The following ZBTB32 variants were observed in gnomAD, a reference collection of about 807,000 sequenced individuals.
ZBTB32 encodes the protein zinc finger and BTB domain-containing protein 32.
In ZBTB32, 28 loss-of-function variants were observed where a neutral mutation model predicts 45.3. The observed-to-expected ratio is 0.62, with a 90% confidence interval of 0.46 to 0.85. The LOEUF is 0.85. ZBTB32 is among the 40% of genes least tolerant of loss of function. The pLI, the probability that ZBTB32 is intolerant of heterozygous loss-of-function variation, is 0.00. For synonymous variants in ZBTB32, 283 were observed against 255.7 expected (o/e 1.11, Z -1.02); for missense variants, 587 against 624.4 (o/e 0.94, Z 0.64).
At chr19:35,710,333 T>C (rs1248417372) in intron 1 of ZBTB32, among the ~76,000 whole-genome samples, 1 of 152,226 alleles carries the variant, frequency 6.6e-6, no homozygotes, top group Non-Finnish European at 1.5e-5. Flanking sequence ...CTCTACCCTC[T>C]GGCAGGACAC....
Position 35,715,762 on chromosome 19 carries a change from C to T in ZBTB32, c.887C>T (p.Pro296Leu). 6.2e-7 allele frequency: 1 copy of T among 1,611,776 alleles called. No homozygotes were observed. The highest frequency in any genetic ancestry group is 8.5e-7 in the Non-Finnish European group (1 of 1,179,002). ...TCTTCCCCACCCCATCCCAGGATCC[C>T]ACTGTCCCTAAATGCCCCCAAAGGG... ...WQEVWREQRI[P>L]LSLNAPKGLW... The change falls in exon 4 of 7, where the codon CCA becomes CTA. Residue 296 changes from proline (P) to leucine (L), a missense_variant. By Grantham distance (98) the Pro-to-Leu change is moderately conservative (BLOSUM62 -3). Coordinates refer to ENST00000392197, the MANE Select transcript of ZBTB32 (RefSeq NM_014383.3).
chr19:35,708,135 G>A (rs1455729289), intron 1 of ZBTB32, among the ~76,000 whole-genome samples: 1 of 152,062 alleles, frequency 6.6e-6, no homozygotes, highest in Admixed American at 6.6e-5. Flanking sequence ...CATGCCTGGT[G>A]TTGGCCCATA....
At position 35,707,516 on chromosome 19, in the gene ZBTB32, C is replaced by T. The variant is rs55927526; in HGVS notation, c.-222+2893C>T. On this transcript the variant is annotated intron_variant, in intron 1 of 6. Transcript: ENST00000392197. ...TCCCAAGTAGCTGGGATTACAGGCA[C>T]GTGCCACCACGCCCAGCTAATTTTT... Among the ~76,000 whole-genome samples, 12 of 151,868 alleles carry T rather than the reference C, an allele frequency of 7.9e-5. No homozygotes were observed. The East Asian group carries it at 1.6e-3, about 20-fold the overall frequency.
At chr19:35,714,395 C>A in intron 2 of ZBTB32, 128 bp from the exon 3 acceptor site, 1 of 417,354 alleles carries the variant, frequency 2.4e-6, no homozygotes. Context: ...ATTCTCTCGC[C>A]ACCATGCCTA....
rs746174419 is a variant in ZBTB32, at chr19:35,715,357, C to A, written c.731C>A (p.Thr244Asn). ...GCAGGCTCCCTGCAAACCAGCGTCA[C>A]CCCTAGGCCCTCGTGGGCTGAGGCC... Reference protein sequence around the residue: ...PPAGSLQTSVTPRPSWAEAPW... With the variant: ...PPAGSLQTSVNPRPSWAEAPW... The change falls in exon 3 of 7, where the codon ACC becomes AAC. Residue 244 changes from threonine (T) to asparagine (N), a missense_variant. Transcript: ENST00000392197. 1.2e-6 allele frequency: 2 copies of A among 1,611,764 alleles called. No individual in the cohort carries two copies. Among genetic ancestry groups the A allele is most frequent in the Admixed American group, 3.4e-5 (2 of 59,626 alleles).
At chr19:35,707,696 T>C (rs1249440636) in intron 1 of ZBTB32, among the ~76,000 whole-genome samples, 2 of 151,972 alleles carry the variant, frequency 1.3e-5, no homozygotes, top group Non-Finnish European at 2.9e-5. Context: ...ATGTCAACAA[T>C]TGGTCCCAGG....
chr19:35,716,180 C>T lies in ZBTB32; in HGVS notation c.1072C>T (p.Pro358Ser). 1.2e-6 allele frequency: 2 copies of T among 1,613,914 alleles called. No individual in the cohort carries two copies. The highest frequency in any genetic ancestry group is 1.3e-5 in the African/African-American group (1 of 75,048). Residue 358 changes from proline to serine, a missense_variant, in exon 6 of 7, where the codon CCT becomes TCT. Transcript: ENST00000392197. ...AGHEDKAGCP[P>S]RPHPPPAPPA... ...TCATGAGGACAAGGCAGGCTGCCCA[C>T]CTCGCCCGCACCCTCCCCCGGCCCC...
In ZBTB32 at chr19:35,715,799, G is replaced by A; in HGVS notation, c.924G>A (p.Gln308=). The change falls in exon 4 of 7, where the codon CAG becomes CAA. Residue 308 remains glutamine (Q), a synonymous_variant. Coordinates refer to ENST00000392197, the MANE Select transcript of ZBTB32 (RefSeq NM_014383.3). ...ATGCCCCCAAAGGGCTCTGGAGCCA[G>A]AACCAGTTGGCCTCCTCCAGCCCTA... ...SLNAPKGLWS[Q]NQLASSSPTP... is the part of the protein sequence containing the mutation. The A allele has an allele frequency of 6.2e-7, 1 of 1,613,762 alleles. No homozygotes were observed. The highest frequency in any genetic ancestry group is 2.2e-5 in the East Asian group (1 of 44,878).
intron 1 of ZBTB32, among the ~76,000 whole-genome samples, chr19:35,707,360 T>C (rs1372910446): frequency 1.4e-5 from 2 of 145,238 alleles, no homozygotes; most frequent in East Asian, 4.1e-4. Flanking sequence ...TATAAGTGTC[T>C]ACCATTTTCT....
In ZBTB32 at chr19:35,716,609, G is replaced by C. The variant is rs765168428; in HGVS notation, c.1321G>C (p.Ala441Pro). 1 of 1,613,402 alleles carries C rather than the reference G, an allele frequency of 6.2e-7. No homozygotes were observed. The change falls in exon 7 of 7, where the codon GCC becomes CCC. Residue 441 changes from alanine (A) to proline (P), a missense_variant. Ala to Pro is a conservative substitution (Grantham distance 27). Transcript: ENST00000392197. ...GTGCGGGGCCGGCTGTCCCAGCCTGGCCTCCATGCAGGCGCACATGCGCGG... is the reference window on the plus strand; with the variant it reads ...GTGCGGGGCCGGCTGTCCCAGCCTGCCCTCCATGCAGGCGCACATGCGCGG... ...SLCGAGCPSL[A>P]SMQAHMRGHS...
In ZBTB32 at chr19:35,715,959, G is replaced by A. The variant is rs2234370; in HGVS notation, c.976G>A (p.Ala326Thr). ...PTPGSLPQGP[A>T]QLSPGEMEES... ...TCCAGGTTCCCTCCCCCAGGGCCCCGCACAGCTCAGCCCTGGGGAGATGGA... is the reference window on the plus strand; with the variant it reads ...TCCAGGTTCCCTCCCCCAGGGCCCCACACAGCTCAGCCCTGGGGAGATGGA... The change falls in exon 5 of 7, where the codon GCA becomes ACA. Residue 326 changes from alanine (A) to threonine (T), a missense_variant. Coordinates refer to ENST00000392197, the MANE Select transcript of ZBTB32 (RefSeq NM_014383.3). 152 of 1,612,918 alleles carry A rather than the reference G, an allele frequency of 9.4e-5. No homozygotes were observed. The African/African-American group carries it at 1.7e-3, about 18-fold the overall frequency.
rs961281416 is a variant in ZBTB32 at position 35,716,757 on chromosome 19, G to T, written c.*5G>T. ...CCTTCTTCCTCCACCACCTGACGGG[G>T]TGTCGGTAGCGTCTTAGCCAAGAGT... On this transcript the variant is annotated 3_prime_UTR_variant, in exon 7 of 7. Transcript: ENST00000392197. 6.3e-7 allele frequency: 1 copy of T among 1,597,486 alleles called. No homozygotes were observed. Among genetic ancestry groups the T allele is most frequent in the Admixed American group, 1.7e-5 (1 of 59,696 alleles).
At chr19:35,712,715 G>T (rs1968735263) in intron 1 of ZBTB32, among the ~76,000 whole-genome samples, 1 of 152,148 alleles carries the variant, frequency 6.6e-6, no homozygotes, top group Admixed American at 6.5e-5. Context: ...TCTCTTCGAA[G>T]ACCACCACAC....
intron 1 of ZBTB32, among the ~76,000 whole-genome samples, chr19:35,706,322 A>G (rs1444239337): frequency 6.6e-6 from 1 of 151,988 alleles, no homozygotes; most frequent in Non-Finnish European, 1.5e-5. Context: ...AATTCCTAGA[A>G]GATGAAGATA....
rs762060611 is a variant in ZBTB32, at chr19:35,714,617, C to G, written c.-10C>G. 6 of 1,512,824 alleles carry G rather than the reference C, an allele frequency of 4.0e-6. No individual in the cohort carries two copies. The Admixed American group carries it at 1.3e-4, about 32-fold the overall frequency. 93.7% of individuals were successfully genotyped at this position (1,512,824 alleles called of 1,614,324 possible). On this transcript the variant is annotated 5_prime_UTR_variant, in exon 3 of 7. Transcript: ENST00000392197. The stretch of plus-strand genomic sequence containing the variant: ...AGAGCCTCTGAGTTAGGTACCCAAG[C>G]CAAGGCACAATGTCCCTGCCCCCCA...
intron 1 of ZBTB32, among the ~76,000 whole-genome samples, chr19:35,705,212 G>T (rs1286678076): frequency 6.6e-6 from 1 of 152,170 alleles, no homozygotes; most frequent in Admixed American, 6.5e-5. Flanking sequence ...AGAAAGCTGA[G>T]GCAGGAGAAT....
At chr19:35,704,859 C>T (rs1444571509) in intron 1 of ZBTB32, among the ~76,000 whole-genome samples, 2 of 152,204 alleles carry the variant, frequency 1.3e-5, no homozygotes, top group Admixed American at 6.5e-5. Flanking sequence ...GTCCACGGCC[C>T]CCGAGGCCAG....
chr19:35,716,222 C>T lies in ZBTB32; in HGVS notation c.1114C>T (p.Pro372Ser). ...PPPAPPARSRPYACSVCGKRF... is the reference protein window; with the variant it reads ...PPPAPPARSRSYACSVCGKRF... The stretch of plus-strand genomic sequence containing the variant: ...CCCGGCCCCTCCTGCTCGGTCTCGG[C>T]CCTATGCGTGCTCTGTCTGTGGAAA... Residue 372 changes from proline (P) to serine (S), a missense_variant, in exon 6 of 7, where the codon CCC becomes TCC. Pro to Ser is a moderately conservative substitution (Grantham distance 74). Coordinates refer to ENST00000392197, the MANE Select transcript of ZBTB32 (RefSeq NM_014383.3). 1 of 1,613,950 alleles carries T rather than the reference C, an allele frequency of 6.2e-7. No individual in the cohort carries two copies. The highest frequency in any genetic ancestry group is 8.5e-7 in the Non-Finnish European group (1 of 1,179,972).
intron 1 of ZBTB32, among the ~76,000 whole-genome samples, chr19:35,709,961 G>A (rs965287375): frequency 3.3e-5 from 5 of 151,774 alleles, no homozygotes; most frequent in African/African-American, 4.8e-5. Context: ...TGTAATCCCA[G>A]CACTTTGTGA....
Sources: allele counts gnomAD v4.1 joint callset (sites outside exome capture counted in the v4.1 genomes callset), GRCh38; gene constraint gnomAD v4.1.1; transcripts MANE v1.5; gene names NCBI Gene and HGNC (gene_info 2026-07-23, HGNC 2026-07-21).